EXOC5: variants seen among roughly 807,000 people sequenced by gnomAD.
EXOC5 encodes the protein SEC10-like 1.
In EXOC5, 17 loss-of-function variants were observed where a neutral mutation model predicts 90.8. That is an observed-to-expected ratio of 0.19 (90% CI 0.13 to 0.28). EXOC5 has a LOEUF of 0.28. Ranked by LOEUF, EXOC5 falls within the 10% of genes least tolerant of loss-of-function variation. EXOC5 has a pLI of 1.00. For missense variants in EXOC5, 569 were observed against 830.6 expected (o/e 0.69, Z 3.87); for synonymous variants, 260 against 270.0 (o/e 0.96, Z 0.36).
chr14:57,252,727 G>C (rs749234164), intron 1 of EXOC5, among the ~76,000 whole-genome samples: 1 of 152,074 alleles, frequency 6.6e-6, no homozygotes, highest in South Asian at 2.1e-4. Flanking sequence ...ATGTTATGGC[G>C]GTTCCTGAAA....
At position 57,268,498 on chromosome 14, in the gene EXOC5, T is replaced by C. The variant is rs549746974; in HGVS notation, c.27+124A>G. 4.0e-4 allele frequency: 609 copies of C among 1,523,928 alleles called. 1 individual carries two copies. The highest frequency in any genetic ancestry group is 3.9e-3 in the South Asian group (324 of 83,428). 94.4% of individuals were successfully genotyped at this position (1,523,928 alleles called of 1,614,324 possible). Reference sequence around the variant, plus strand: ...CACGGAGCTGCCACCCCAACCCTTCTGTTTCGCACCTCTCTCCCGAGGGCT... The same window carrying C: ...CACGGAGCTGCCACCCCAACCCTTCCGTTTCGCACCTCTCTCCCGAGGGCT... On this transcript the variant is annotated intron_variant, in intron 1 of 17. Coordinates refer to ENST00000621441, the MANE Select transcript of EXOC5 (RefSeq NM_006544.4).
chr14:57,219,865 TCC>T (rs1883076400), intron 13 of EXOC5, among the ~76,000 whole-genome samples: 1 of 152,080 alleles, frequency 6.6e-6, no homozygotes, highest in South Asian at 2.1e-4. Flanking sequence ...CTACACTATC[TCC>T]TCAAAAATAC....
rs776439202 is a variant in EXOC5 at position 57,210,034 on chromosome 14, C to A, written c.1641G>T (p.Met547Ile). Residue 547 changes from methionine to isoleucine, a missense_variant, in exon 16 of 18, where the codon ATG becomes ATT. By Grantham distance (10) the Met-to-Ile change is conservative (BLOSUM62 1). Coordinates refer to ENST00000621441, the MANE Select transcript of EXOC5 (RefSeq NM_006544.4). ...TCTGTTCTGCAGCCAAAATATGCTT[C>A]ATCTGTCCAATCATACAATTTAATG... is the stretch of plus-strand genomic sequence containing the variant. ...DRTLNCMIGQ[M>I]KHILAAEQKK... 2 of 1,590,598 alleles carry A rather than the reference C, an allele frequency of 1.3e-6. No individual in the cohort carries two copies. The highest frequency in any genetic ancestry group is 1.7e-5 in the Admixed American group (1 of 59,368).
At chr14:57,218,765 T>C (rs759728116) in intron 14 of EXOC5, among the ~76,000 whole-genome samples, 1 of 152,102 alleles carries the variant, frequency 6.6e-6, no homozygotes, top group Non-Finnish European at 1.5e-5. Context: ...ATATGAGTAT[T>C]TTTCCTCTTA....
rs1882708817 is a variant in EXOC5 at position 57,208,027 on chromosome 14, T to C, written c.*582A>G. 6.6e-6 allele frequency: 1 copy of C among 152,188 alleles called. No homozygotes were observed. The highest frequency in any genetic ancestry group is 2.4e-5 in the African/African-American group (1 of 41,436). The allele number at this position is 152,188 out of a possible 1,614,324, so 9.4% of individuals were successfully genotyped here. A position where few individuals can be genotyped will look rare whatever the true frequency, so the allele number is the denominator to read the frequency against. On this transcript the variant is annotated 3_prime_UTR_variant, in exon 18 of 18. Coordinates refer to ENST00000621441, the MANE Select transcript of EXOC5 (RefSeq NM_006544.4). ...CAGTTTATGACATTTTTTGGACTAG[T>C]ATTAATGCTGTACCTCAGAAAAAAA...
At chr14:57,258,874 T>C (rs1884421442) in intron 1 of EXOC5, among the ~76,000 whole-genome samples, 1 of 152,132 alleles carries the variant, frequency 6.6e-6, no homozygotes, top group Admixed American at 6.5e-5. Context: ...TCAAAGAAGC[T>C]AGGATATTTC....
chr14:57,268,518 A>T, intron 1 of EXOC5, 104 bp downstream of exon 1: 2 of 1,533,860 alleles, frequency 1.3e-6, no homozygotes, highest in Admixed American at 3.9e-5. Context: ...CTCTCTCCCG[A>T]GGGCTCCTCC....
rs904368821 is a variant in EXOC5, at chr14:57,201,994, T to C, written c.*6615A>G. ...ATAGTTTTAAAGTGGAGAAGCCTGG[T>C]AAATAGTACCTTAAGAAAGTGATAA... On this transcript the variant is annotated 3_prime_UTR_variant, in exon 18 of 18. Coordinates refer to ENST00000621441, the MANE Select transcript of EXOC5 (RefSeq NM_006544.4). 1 of 152,104 alleles carries C rather than the reference T, an allele frequency of 6.6e-6. No individual in the cohort carries two copies. The highest frequency in any genetic ancestry group is 1.5e-5 in the Non-Finnish European group (1 of 68,018). 9.4% of individuals were successfully genotyped at this position (152,104 alleles called of 1,614,324 possible).
chr14:57,260,728 T>C (rs1247689955), intron 1 of EXOC5, among the ~76,000 whole-genome samples: 1 of 152,204 alleles, frequency 6.6e-6, no homozygotes, highest in Non-Finnish European at 1.5e-5. Context: ...CTCTTTCATC[T>C]CATTTTTATA....
chr14:57,224,596 C>CA, intron 12 of EXOC5, among the ~76,000 whole-genome samples: 1 of 152,172 alleles, frequency 6.6e-6, no homozygotes, highest in Non-Finnish European at 1.5e-5. Context: ...TCCTCACACA[C>CA]AAAAAAATTC....
rs189300810 is a variant in EXOC5 at position 57,264,357 on chromosome 14, A to G, written c.27+4265T>C. 8.9e-4 allele frequency among the ~76,000 whole-genome samples: 136 copies of G among 152,330 alleles called. 1 individual carries two copies. The highest frequency in any genetic ancestry group is 1.7e-3 in the Non-Finnish European group (114 of 68,018). ...CAACTCTGTTTAACTAGCTTTTGTA[A>G]TTTAGTTTGAAAAATTAAGAGACAA... On this transcript the variant is annotated intron_variant, in intron 1 of 17. Transcript: ENST00000621441.
In EXOC5 at chr14:57,227,733, G is replaced by A. The variant is rs143891027; in HGVS notation, c.1296+2001C>T. ...TTTTCTTTTTGTAAACTGCGTATGC[G>A]TATTCTTTGACTTGTTTTCTATTGA... On this transcript the variant is annotated intron_variant, in intron 12 of 17. Transcript: ENST00000621441. Among the ~76,000 whole-genome samples, 270 of 152,038 alleles carry A rather than the reference G, an allele frequency of 1.8e-3. 2 individuals are homozygous for A. Among genetic ancestry groups the A allele is most frequent in the Admixed American group, 3.4e-3 (52 of 15,272 alleles).
chr14:57,249,354 C>A (rs1884120570), intron 1 of EXOC5, among the ~76,000 whole-genome samples: 1 of 152,010 alleles, frequency 6.6e-6, no homozygotes, highest in Admixed American at 6.6e-5. Flanking sequence ...AATCTTAGTT[C>A]TTATGTGTTA....
At chr14:57,229,936 C>CT (rs1203628681) in intron 11 of EXOC5, 55 bp from the exon 12 acceptor site, 1 of 1,110,560 alleles carries the variant, frequency 9.0e-7, no homozygotes, top group Admixed American at 2.8e-5. Context: ...TAGATTTCAA[C>CT]TTTGAGTACT....
chr14:57,254,868 A>C (rs760576456), intron 1 of EXOC5, among the ~76,000 whole-genome samples: 10 of 152,222 alleles, frequency 6.6e-5, no homozygotes, highest in Non-Finnish European at 1.3e-4. Context: ...CCTTGCTGGC[A>C]CTTTGATCTT....
At chr14:57,262,417 A>G (rs944914484) in intron 1 of EXOC5, among the ~76,000 whole-genome samples, 1 of 151,874 alleles carries the variant, frequency 6.6e-6, no homozygotes, top group Non-Finnish European at 1.5e-5. Flanking sequence ...ACATAAAGTG[A>G]TACTTCCTAA....
chr14:57,262,837 C>T (rs1196359802), intron 1 of EXOC5, among the ~76,000 whole-genome samples: 1 of 151,660 alleles, frequency 6.6e-6, no homozygotes, highest in Non-Finnish European at 1.5e-5. Flanking sequence ...TCACCAACCA[C>T]CTACTTTTCA....
At chr14:57,227,790 A>G (rs1883353166) in intron 12 of EXOC5, among the ~76,000 whole-genome samples, 1 of 152,160 alleles carries the variant, frequency 6.6e-6, no homozygotes, top group Admixed American at 6.5e-5. Flanking sequence ...TACTGTCTCA[A>G]TATAAATACA....
intron 1 of EXOC5, among the ~76,000 whole-genome samples, chr14:57,258,820 C>T (rs1566506756): frequency 6.6e-6 from 1 of 152,080 alleles, no homozygotes. Context: ...TATCTCCATT[C>T]CCAAAAGCAG....
Sources: gnomAD v4.1 joint callset for allele counts (sites outside exome capture counted in the v4.1 genomes callset) on GRCh38, gnomAD v4.1.1 for gene constraint, MANE v1.5 for transcripts, NCBI Gene and HGNC (gene_info 2026-07-23, HGNC 2026-07-21) for gene names.